The following CDH20 variants were observed in gnomAD, a reference collection of about 807,000 sequenced individuals.
CDH20 encodes cadherin 20, also known as cadherin-20.
Under a neutral mutation model 74.2 loss-of-function variants are expected in CDH20, and 29 were observed. The observed-to-expected ratio is 0.39, with a 90% CI of 0.29 to 0.53. CDH20 has a LOEUF of 0.53. Among genes scored for constraint, CDH20 ranks in the 20% least tolerant of loss-of-function variants. CDH20 has a pLI of 0.69. For synonymous variants in CDH20, 469 were observed against 405.4 expected (o/e 1.16, Z -1.88); for missense variants, 988 against 1,048.3 (o/e 0.94, Z 0.79).
intron 1 of CDH20, chr18:61,391,577 A>G (rs528269335): frequency 1.4e-4 from 21 of 152,422 alleles, no homozygotes; most frequent in Admixed American, 1.3e-3. Context: ...CATTTTTGAA[A>G]TGTAGAGACA....
intron 1 of CDH20, among the ~76,000 whole-genome samples, chr18:61,369,411 A>G (rs1425974188): frequency 6.6e-6 from 1 of 152,140 alleles, no homozygotes; most frequent in Non-Finnish European, 1.5e-5. Context: ...AGCATAATAT[A>G]TATTCAAACT....
chr18:61,422,594 C>A (rs1456051650), intron 1 of CDH20, among the ~76,000 whole-genome samples: 1 of 151,960 alleles, frequency 6.6e-6, no homozygotes, highest in African/African-American at 2.4e-5. Flanking sequence ...AAACCTCAAA[C>A]TTTCTATGTT....
intron 1 of CDH20, among the ~76,000 whole-genome samples, chr18:61,432,257 A>C (rs1383918194): frequency 1.3e-5 from 2 of 149,160 alleles, no homozygotes; most frequent in South Asian, 2.1e-4. Flanking sequence ...AAAAAAAAAA[A>C]AAAAAAACAC....
chr18:61,385,514 A>G (rs1375988677), intron 1 of CDH20, among the ~76,000 whole-genome samples: 2 of 152,122 alleles, frequency 1.3e-5, no homozygotes, highest in Admixed American at 6.6e-5. Context: ...AAAAATATGT[A>G]ATATCAACGA....
chr18:61,376,135 C>T (rs1182405670), intron 1 of CDH20, among the ~76,000 whole-genome samples: 1 of 151,858 alleles, frequency 6.6e-6, no homozygotes, highest in African/African-American at 2.4e-5. Flanking sequence ...ATTTGAGCCC[C>T]CTAGTAGTCT....
intron 1 of CDH20, among the ~76,000 whole-genome samples, chr18:61,360,261 G>A (rs957607211): frequency 6.6e-6 from 1 of 152,180 alleles, no homozygotes; most frequent in Admixed American, 6.5e-5. Context: ...AACTACTTAA[G>A]TGGGCATAAG....
chr18:61,474,396 G>C (rs1160845902), intron 1 of CDH20, among the ~76,000 whole-genome samples: 3 of 152,030 alleles, frequency 2.0e-5, no homozygotes, highest in Non-Finnish European at 4.4e-5. Context: ...CCTTTTTTCA[G>C]ACACTTAGAT....
At position 61,528,081 on chromosome 18, in the gene CDH20, A is replaced by G; in HGVS notation, c.1132A>G (p.Ile378Val). Residue 378 changes from isoleucine (I) to valine (V), a missense_variant, in exon 7 of 12, where the codon ATC (isoleucine) becomes GTC (valine). Physicochemically the swap from Ile to Val is conservative, Grantham distance 29 (BLOSUM62 3). This residue lies in a region of CDH20 where 613 missense variants were observed against 755.2 expected (regional missense o/e 0.81). Transcript: ENST00000262717. ...ATTTCAGGACACAACAACAGTGCACATCAGTGTGGAAGACGTGGACGAGCC... is the reference window on the plus strand; with the variant it reads ...ATTTCAGGACACAACAACAGTGCACGTCAGTGTGGAAGACGTGGACGAGCC... ...GPFQDTTTVH[I>V]SVEDVDEPPV... The G allele has an allele frequency of 6.2e-7, 1 of 1,614,186 alleles. No homozygotes were observed. The highest frequency in any genetic ancestry group is 8.5e-7 in the Non-Finnish European group (1 of 1,180,016).
At chr18:61,428,781 CT>C (rs1331591262) in intron 1 of CDH20, among the ~76,000 whole-genome samples, 1 of 152,190 alleles carries the variant, frequency 6.6e-6, no homozygotes, top group Non-Finnish European at 1.5e-5. Context: ...TGCATTTCAC[CT>C]CTTTGTCTGA....
chr18:61,527,891 G>A lies in CDH20; in HGVS notation c.1018-76G>A. 6 of 1,396,218 alleles carry A rather than the reference G, an allele frequency of 4.3e-6. No individual in the cohort carries two copies. The South Asian group carries it at 6.1e-5, about 14-fold the overall frequency. 86.5% of individuals were successfully genotyped at this position (1,396,218 alleles called of 1,614,324 possible). ...TCTTCCCACCAGCCATCAATATTGGGCATCCTTTTGAACGTTGACATATTT... is the reference window on the plus strand; with the variant it reads ...TCTTCCCACCAGCCATCAATATTGGACATCCTTTTGAACGTTGACATATTT... On this transcript the variant is annotated intron_variant, in intron 6 of 11. Coordinates refer to ENST00000262717, the MANE Select transcript of CDH20 (RefSeq NM_031891.4).
intron 1 of CDH20, among the ~76,000 whole-genome samples, chr18:61,380,974 A>AG (rs1418045630): frequency 6.6e-6 from 1 of 152,206 alleles, no homozygotes; most frequent in African/African-American, 2.4e-5. Flanking sequence ...GTGATGAACA[A>AG]TGTGTTTACT....
At chr18:61,486,795 G>A (rs561632438) in intron 1 of CDH20, among the ~76,000 whole-genome samples, 1 of 152,096 alleles carries the variant, frequency 6.6e-6, no homozygotes, top group African/African-American at 2.4e-5. Context: ...ACAAAGTCAC[G>A]GAGTCGACTG....
At chr18:61,510,156 A>G (rs1911727803) in intron 6 of CDH20, among the ~76,000 whole-genome samples, 2 of 152,186 alleles carry the variant, frequency 1.3e-5, no homozygotes, top group African/African-American at 4.8e-5. Flanking sequence ...GATGGTACTT[A>G]AAGCAAATAA....
chr18:61,357,215 T>C (rs1910523171), intron 1 of CDH20, among the ~76,000 whole-genome samples: 1 of 152,224 alleles, frequency 6.6e-6, no homozygotes, highest in South Asian at 2.1e-4. Context: ...GAAGGCTTCC[T>C]GTTGCAATTA....
chr18:61,490,021 T>G (rs1400710136), intron 1 of CDH20, among the ~76,000 whole-genome samples: 1 of 152,174 alleles, frequency 6.6e-6, no homozygotes, highest in Non-Finnish European at 1.5e-5. Flanking sequence ...TTATTAGCTG[T>G]AAATTTTGTA....
intron 1 of CDH20, among the ~76,000 whole-genome samples, chr18:61,448,793 G>A (rs915113804): frequency 1.3e-5 from 2 of 152,170 alleles, no homozygotes; most frequent in African/African-American, 4.8e-5. Flanking sequence ...CATTTAAGAA[G>A]TGGATAGACT....
chr18:61,335,576 C>A (rs530277337), intron 1 of CDH20, among the ~76,000 whole-genome samples: 8 of 152,350 alleles, frequency 5.3e-5, no homozygotes, highest in South Asian at 2.1e-4. Context: ...AAGCTCTCAG[C>A]ATCTACTGAG....
chr18:61,378,337 G>C (rs1022726047), intron 1 of CDH20, among the ~76,000 whole-genome samples: 13 of 152,174 alleles, frequency 8.5e-5, no homozygotes, highest in Non-Finnish European at 1.3e-4. Flanking sequence ...AGACCCAGAA[G>C]ACTAATGGTG....
At chr18:61,485,068 A>T (rs933081691) in intron 1 of CDH20, among the ~76,000 whole-genome samples, 1 of 152,220 alleles carries the variant, frequency 6.6e-6, no homozygotes, top group East Asian at 1.9e-4. Flanking sequence ...GAGGAACTTG[A>T]TGGAGAAGGA....
Sources: allele counts gnomAD v4.1 joint callset (sites outside exome capture counted in the v4.1 genomes callset), GRCh38; gene constraint gnomAD v4.1.1; regional missense constraint gnomAD v4.1.1; transcripts MANE v1.5; gene names NCBI Gene and HGNC (gene_info 2026-07-23, HGNC 2026-07-21).